Variants in TRPM3 observed in about 807,000 individuals in gnomAD.
TRPM3 encodes long transient receptor potential channel 3.
A neutral mutation model predicts 181.2 loss-of-function variants in TRPM3; 77 were observed. The observed-to-expected ratio is 0.42, with a 90% confidence interval of 0.35 to 0.51. The LOEUF (loss-of-function observed/expected upper bound fraction) is 0.51, where lower values mean the gene tolerates loss of function less well. TRPM3 is among the 20% of genes least tolerant of loss of function. The probability of loss-of-function intolerance (pLI) is 0.01; values close to 1 mark genes in which losing one functional copy is unlikely to be tolerated. For missense variants in TRPM3, 1,759 were observed against 2,196.7 expected (o/e 0.80, Z 3.98); for synonymous variants, 745 against 796.4 (o/e 0.94, Z 1.09).
chr9:71,349,541 T>G (rs570914991), intron 1 of TRPM3, among the ~76,000 whole-genome samples: 33 of 152,364 alleles, frequency 2.2e-4, no homozygotes, highest in Admixed American at 5.9e-4. Context: ...TTTAGGTTTT[T>G]AAAACCCCAA....
chr9:71,215,167 G>C (rs1378898016), intron 1 of TRPM3, among the ~76,000 whole-genome samples: 1 of 151,690 alleles, frequency 6.6e-6, no homozygotes, highest in Non-Finnish European at 1.5e-5. Flanking sequence ...GTTAAATGAT[G>C]AATATCCCTC....
At chr9:70,790,374 A>G (rs2085078140) in intron 6 of TRPM3, among the ~76,000 whole-genome samples, 1 of 152,196 alleles carries the variant, frequency 6.6e-6, no homozygotes, top group African/African-American at 2.4e-5. Context: ...ATCTTGAACA[A>G]TTCAATACTA....
intron 8 of TRPM3, among the ~76,000 whole-genome samples, chr9:70,687,353 G>A (rs2067235614): frequency 6.6e-6 from 1 of 152,178 alleles, no homozygotes. Flanking sequence ...TTGGGTAGAA[G>A]TAAAAGTTAT....
In TRPM3 at chr9:71,171,840, T is replaced by C. The variant is rs539992269; in HGVS notation, c.183+274813A>G. Among the ~76,000 whole-genome samples the C allele has an allele frequency of 3.9e-5, 6 of 152,158 alleles. No individual in the cohort carries two copies. In the East Asian group the frequency reaches 5.8e-4, roughly 15 times the overall value. On this transcript the variant is annotated intron_variant, in intron 1 of 24. Transcript: ENST00000357533. ...GCAGCTTCACACATCTAAGACCAGA[T>C]TGGCACCACATAAGGCTTTTTATTA... is the stretch of plus-strand genomic sequence containing the variant.
intron 1 of TRPM3, among the ~76,000 whole-genome samples, chr9:71,420,967 G>GAGAGAAAA (rs2093754008): frequency 1.6e-5 from 2 of 124,434 alleles, no homozygotes; most frequent in African/African-American, 4.0e-5. Context: ...GAGAAAAAGG[G>GAGAGAAAA]AGAGAAAAAG....
intron 1 of TRPM3, among the ~76,000 whole-genome samples, chr9:70,966,552 T>C (rs1210695418): frequency 1.3e-5 from 2 of 152,142 alleles, no homozygotes; most frequent in African/African-American, 4.8e-5. Flanking sequence ...CATGGAATAC[T>C]ATGCAGCCAT....
At chr9:71,060,909 C>T (rs2061254983) in intron 1 of TRPM3, among the ~76,000 whole-genome samples, 1 of 152,060 alleles carries the variant, frequency 6.6e-6, no homozygotes, top group East Asian at 1.9e-4. Flanking sequence ...ATATTTAAAA[C>T]ATTAATTGTG....
chr9:70,954,817 TC>T (rs35380164), intron 1 of TRPM3, among the ~76,000 whole-genome samples: 32,312 of 151,906 alleles, frequency 0.21, 4,146 homozygotes, highest in Admixed American at 0.32. Context: ...GCCCTACGCT[TC>T]CTGGGGTCCC....
intron 1 of TRPM3, among the ~76,000 whole-genome samples, chr9:71,060,955 G>A (rs1046520715): frequency 6.6e-6 from 1 of 152,054 alleles, no homozygotes; most frequent in Non-Finnish European, 1.5e-5. Context: ...CAATGCTGAG[G>A]AGGAGAAAAG....
intron 1 of TRPM3, among the ~76,000 whole-genome samples, chr9:70,983,664 T>C (rs1399181671): frequency 1.3e-5 from 2 of 152,130 alleles, no homozygotes; most frequent in Non-Finnish European, 2.9e-5. Context: ...GGTAGCCTGA[T>C]TACAGGCTGT....
At chr9:70,947,629 T>TTCTCTG (rs1430771602) in intron 1 of TRPM3, among the ~76,000 whole-genome samples, 1 of 152,138 alleles carries the variant, frequency 6.6e-6, no homozygotes, top group Non-Finnish European at 1.5e-5. Flanking sequence ...GGCTGAGAGC[T>TTCTCTG]CAGAGCTCAG....
chr9:71,190,763 C>A (rs530251301), intron 1 of TRPM3, among the ~76,000 whole-genome samples: 1 of 151,776 alleles, frequency 6.6e-6, no homozygotes, highest in African/African-American at 2.4e-5. Context: ...AATGCCATGT[C>A]CTCTGTTCTA....
rs114409294 is a variant in TRPM3, at chr9:70,821,241, C to G, written c.973+6606G>C. Among the ~76,000 whole-genome samples the G allele has an allele frequency of 4.8e-3, 726 of 152,172 alleles. 6 individuals are homozygous for G. Among genetic ancestry groups the G allele is most frequent in the African/African-American group, 0.017 (689 of 41,542 alleles). Reference sequence around the variant, plus strand: ...CATTGGTTTAAAAAATGCTTTTGTACTGAAATATTTATAAAGGAAATGATA... The same window carrying G: ...CATTGGTTTAAAAAATGCTTTTGTAGTGAAATATTTATAAAGGAAATGATA... On this transcript the variant is annotated intron_variant, in intron 6 of 25. Transcript: ENST00000677713.
At chr9:71,156,357 GTAT>G (rs1304199677) in intron 1 of TRPM3, among the ~76,000 whole-genome samples, 3 of 134,338 alleles carry the variant, frequency 2.2e-5, no homozygotes, top group Admixed American at 1.7e-4. Context: ...TGTTCATTAG[GTAT>G]TATATATATA....
chr9:70,553,944 G>A (rs1039373881), intron 22 of TRPM3, among the ~76,000 whole-genome samples: 1 of 152,122 alleles, frequency 6.6e-6, no homozygotes, highest in Admixed American at 6.5e-5. Flanking sequence ...AATGAGGGGT[G>A]ATCGGCCGTG....
chr9:71,087,680 AAAGG>A (rs2065502942), intron 1 of TRPM3, among the ~76,000 whole-genome samples: 1 of 152,020 alleles, frequency 6.6e-6, no homozygotes, highest in Non-Finnish European at 1.5e-5. Context: ...TTGGCAAGAG[AAAGG>A]AAGAAGCAGT....
chr9:71,426,945 A>T (rs1481270518), intron 1 of TRPM3, among the ~76,000 whole-genome samples: 1 of 152,166 alleles, frequency 6.6e-6, no homozygotes, highest in Non-Finnish European at 1.5e-5. Context: ...TGAATAAAAG[A>T]TTACTTCCCC....
At chr9:70,594,835 T>A (rs955074234) in intron 21 of TRPM3, among the ~76,000 whole-genome samples, 10 of 152,186 alleles carry the variant, frequency 6.6e-5, no homozygotes, top group Admixed American at 1.3e-4. Flanking sequence ...AGGCTTTCAG[T>A]ATAACACATC....
At chr9:70,785,970 T>G (rs1275806375) in intron 6 of TRPM3, among the ~76,000 whole-genome samples, 1 of 152,040 alleles carries the variant, frequency 6.6e-6, no homozygotes, top group Non-Finnish European at 1.5e-5. Flanking sequence ...TTTCTGTGGA[T>G]GGGGAGGTCT....
Sources: allele counts gnomAD v4.1 joint callset (sites outside exome capture counted in the v4.1 genomes callset), GRCh38; gene constraint gnomAD v4.1.1; transcripts MANE v1.5; gene names NCBI Gene and HGNC (gene_info 2026-07-23, HGNC 2026-07-21).